Variants in CFAP54 observed in about 807,000 individuals in gnomAD.
CFAP54 encodes the protein cilia- and flagella-associated protein 54.
In CFAP54, 290 loss-of-function variants were observed where a neutral mutation model predicts 370.4. The ratio of observed to expected loss-of-function variants is 0.78; its 90% CI spans 0.71 to 0.86. The LOEUF (loss-of-function observed/expected upper bound fraction) is 0.86. Ranked by LOEUF, CFAP54 falls within the 40% of genes least tolerant of loss-of-function variation. The probability of loss-of-function intolerance (pLI) is 0.00; values close to 1 mark genes in which losing one functional copy is unlikely to be tolerated. For synonymous variants in CFAP54, 1,206 were observed against 1,236.5 expected (o/e 0.98, Z 0.52); for missense variants, 3,399 against 3,528.7 (o/e 0.96, Z 0.93).
chr12:96,739,879 G>C, intron 50 of CFAP54, 77 bp from the exon 51 acceptor site: 1 of 903,988 alleles, frequency 1.1e-6, no homozygotes, highest in South Asian at 1.7e-5. Flanking sequence ...GTTTTTTGGA[G>C]AAAGTGATTT....
intron 40 of CFAP54, chr12:96,682,232 C>T (rs914375220): frequency 2.0e-6 from 2 of 985,720 alleles, no homozygotes; most frequent in East Asian, 1.1e-4. Flanking sequence ...TCAATACCCC[C>T]TGACCTTTCT....
intron 65 of CFAP54, among the ~76,000 whole-genome samples, chr12:96,828,676 C>T (rs929921779): frequency 6.6e-6 from 1 of 152,190 alleles, no homozygotes; most frequent in East Asian, 1.9e-4. Context: ...CGCTCTTCCC[C>T]TGTCTTCCAT....
chr12:96,650,999 G>C (rs1277038676), intron 35 of CFAP54, among the ~76,000 whole-genome samples: 2 of 152,036 alleles, frequency 1.3e-5, no homozygotes, highest in Non-Finnish European at 2.9e-5. Context: ...TGTTCCCTGA[G>C]CCTCAAATGC....
intron 50 of CFAP54, among the ~76,000 whole-genome samples, chr12:96,725,940 G>C (rs1358752418): frequency 6.7e-6 from 1 of 149,124 alleles, no homozygotes; most frequent in African/African-American, 2.5e-5. Flanking sequence ...TAATCATGTG[G>C]TTTTTGTCTT....
intron 50 of CFAP54, among the ~76,000 whole-genome samples, chr12:96,730,792 T>C (rs1423275454): frequency 1.3e-5 from 2 of 152,228 alleles, no homozygotes; most frequent in Non-Finnish European, 2.9e-5. Flanking sequence ...TTTGCTTTGA[T>C]TGGAAACATA....
intron 43 of CFAP54, among the ~76,000 whole-genome samples, chr12:96,690,694 A>C (rs1354564582): frequency 6.6e-6 from 1 of 152,050 alleles, no homozygotes; most frequent in Non-Finnish European, 1.5e-5. Flanking sequence ...ATGACTTTGA[A>C]TCTCCTTTCT....
chr12:96,555,463 GA>G (rs943455756), intron 17 of CFAP54, among the ~76,000 whole-genome samples: 3 of 151,022 alleles, frequency 2.0e-5, no homozygotes, highest in Admixed American at 6.6e-5. Context: ...ATAAGGATTG[GA>G]AAAGAAGAAA....
intron 50 of CFAP54, among the ~76,000 whole-genome samples, chr12:96,726,696 G>A (rs1469807554): frequency 6.6e-6 from 1 of 152,046 alleles, no homozygotes; most frequent in East Asian, 1.9e-4. Flanking sequence ...TCTGATTTTA[G>A]TTATTTCTTG....
chr12:96,866,260 A>C (rs969173952), intron 67 of CFAP54, among the ~76,000 whole-genome samples: 2 of 152,102 alleles, frequency 1.3e-5, no homozygotes, highest in Admixed American at 6.5e-5. Context: ...TTTTGTCATA[A>C]GTACAGGCAT....
intron 9 of CFAP54, among the ~76,000 whole-genome samples, chr12:96,532,245 T>C (rs1194471326): frequency 6.6e-6 from 1 of 152,166 alleles, no homozygotes; most frequent in African/African-American, 2.4e-5. Context: ...TCTTTTCCCA[T>C]GAGCTTTCCT....
intron 9 of CFAP54, among the ~76,000 whole-genome samples, chr12:96,531,040 A>G (rs11108568): frequency 0.2 from 30,863 of 151,974 alleles, 3,475 homozygotes; most frequent in South Asian, 0.35. Flanking sequence ...TTGAGTTTTG[A>G]GAGCTCTTTT....
At chr12:96,513,842 C>G (rs1955201733) in intron 5 of CFAP54, among the ~76,000 whole-genome samples, 1 of 152,192 alleles carries the variant, frequency 6.6e-6, no homozygotes, top group Non-Finnish European at 1.5e-5. Flanking sequence ...GGATTTCATT[C>G]TGCTTGAAGT....
intron 26 of CFAP54, among the ~76,000 whole-genome samples, chr12:96,607,495 A>G (rs1956313736): frequency 6.6e-6 from 1 of 152,212 alleles, no homozygotes; most frequent in Non-Finnish European, 1.5e-5. Flanking sequence ...CTTGAGTCAA[A>G]TCTGAAAGCT....
intron 26 of CFAP54, among the ~76,000 whole-genome samples, chr12:96,616,763 G>A (rs901659126): frequency 2.0e-5 from 3 of 152,206 alleles, no homozygotes; most frequent in African/African-American, 7.2e-5. Context: ...TGCCTTAAAA[G>A]GTTGAGCAAT....
intron 8 of CFAP54, among the ~76,000 whole-genome samples, chr12:96,526,059 T>C (rs1487607670): frequency 6.6e-6 from 1 of 152,216 alleles, no homozygotes; most frequent in Non-Finnish European, 1.5e-5. Context: ...GGGAAGCTAG[T>C]GCTTGCGGGA....
intron 32 of CFAP54, among the ~76,000 whole-genome samples, chr12:96,632,794 G>A (rs1403086440): frequency 6.6e-6 from 1 of 151,924 alleles, no homozygotes; most frequent in East Asian, 1.9e-4. Flanking sequence ...AGATAGAATT[G>A]AATGTATGTA....
chr12:96,684,311 C>A (rs892611869), intron 40 of CFAP54, among the ~76,000 whole-genome samples: 6 of 152,170 alleles, frequency 3.9e-5, no homozygotes, highest in Admixed American at 3.3e-4. Context: ...AACTATACTC[C>A]AGTCATGCCC....
intron 56 of CFAP54, among the ~76,000 whole-genome samples, chr12:96,755,737 G>A (rs569007855): frequency 1.4e-5 from 2 of 144,458 alleles, no homozygotes; most frequent in South Asian, 2.2e-4. Flanking sequence ...GTGTGATCTC[G>A]GCTCACTGCA....
At chr12:96,590,028 T>G (rs2136433068) in intron 23 of CFAP54, among the ~76,000 whole-genome samples, 1 of 152,314 alleles carries the variant, frequency 6.6e-6, no homozygotes, top group South Asian at 2.1e-4. Flanking sequence ...ATTACAGGCA[T>G]AAGCCACCAT....
Sources: allele counts gnomAD v4.1 joint callset (sites outside exome capture counted in the v4.1 genomes callset), GRCh38; gene constraint gnomAD v4.1.1; transcripts MANE v1.5; gene names NCBI Gene and HGNC (gene_info 2026-07-23, HGNC 2026-07-21).